WTIP: variants seen among roughly 807,000 people sequenced by gnomAD.
The protein encoded by WTIP is Wilms tumor protein 1-interacting protein.
Under a neutral mutation model 41.7 loss-of-function variants are expected in WTIP, and 23 were observed. The observed-to-expected ratio is 0.55, with a 90% CI of 0.40 to 0.78. The LOEUF (loss-of-function observed/expected upper bound fraction) is 0.78. Among genes scored for constraint, WTIP ranks in the 30% least tolerant of loss-of-function variants. The pLI is 0.00. For missense variants in WTIP, 619 were observed against 610.5 expected (o/e 1.01, Z -0.15); for synonymous variants, 314 against 269.9 (o/e 1.16, Z -1.60).
At chr19:34,483,504 C>T (rs1003216851) in intron 1 of WTIP, among the ~76,000 whole-genome samples, 2 of 152,114 alleles carry the variant, frequency 1.3e-5, no homozygotes, top group Non-Finnish European at 2.9e-5. Context: ...GTGATGGTAG[C>T]GGCTGGAGAG....
intron 7 of WTIP, among the ~76,000 whole-genome samples, chr19:34,499,259 C>T (rs1197171543): frequency 6.6e-6 from 1 of 151,486 alleles, no homozygotes; most frequent in Admixed American, 6.6e-5. Context: ...GCCTGTAATC[C>T]CAGCATTTTG....
rs575511622 is a variant in WTIP at position 34,511,184 on chromosome 19, T to C, written c.*10915T>C. On this transcript the variant is annotated 3_prime_UTR_variant, in exon 8 of 8. Transcript: ENST00000590071. Reference sequence around the variant, plus strand: ...GAAGAAAAAGAGGTTTAATGGGACTTGTAGCTCCACATGGCTGGGAGGCCT... The same window carrying C: ...GAAGAAAAAGAGGTTTAATGGGACTCGTAGCTCCACATGGCTGGGAGGCCT... 6.6e-6 allele frequency: 1 copy of C among 152,492 alleles called. No homozygotes were observed. Among genetic ancestry groups the C allele is most frequent in the East Asian group, 1.9e-4 (1 of 5,196 alleles). 9.4% of individuals were successfully genotyped at this position (152,492 alleles called of 1,614,324 possible). A position where few individuals can be genotyped will look rare whatever the true frequency, so the allele number is the denominator to read the frequency against.
intron 1 of WTIP, among the ~76,000 whole-genome samples, chr19:34,484,429 C>T (rs2075787180): frequency 6.6e-6 from 1 of 152,024 alleles, no homozygotes; most frequent in South Asian, 2.1e-4. Flanking sequence ...ATGGAGAGCG[C>T]CTCCCATCTG....
chr19:34,499,946 C>T (rs1477700068), intron 7 of WTIP, among the ~76,000 whole-genome samples, 183 bp from the exon 8 acceptor site: 1 of 152,166 alleles, frequency 6.6e-6, no homozygotes, highest in African/African-American at 2.4e-5. Context: ...GATGATCCAG[C>T]CGCCTCAGCC....
chr19:34,490,229 G>A (rs1449655147), intron 1 of WTIP, 147 bp from the exon 2 acceptor site: 2 of 675,902 alleles, frequency 3.0e-6, no homozygotes, highest in Admixed American at 2.4e-5. Flanking sequence ...TGGTGCCCAT[G>A]TTGGTCATCA....
Position 34,512,277 on chromosome 19 carries a change from T to C in WTIP, c.*12008T>C, listed in dbSNP as rs557374475. ...CCCACGTATTGTACTTTGATAAAGT[T>C]AATAAATGGAATTCTCCTTTACCTC... On this transcript the variant is annotated 3_prime_UTR_variant, in exon 8 of 8. Coordinates refer to ENST00000590071, the MANE Select transcript of WTIP (RefSeq NM_001080436.2). The C allele has an allele frequency of 9.6e-4, 147 of 152,332 alleles. 1 individual carries two copies. Among genetic ancestry groups the C allele is most frequent in the African/African-American group, 3.5e-3 (145 of 41,580 alleles). The allele number at this position is 152,332 out of a possible 1,614,324, so 9.4% of individuals were successfully genotyped here. A position where few individuals can be genotyped will look rare whatever the true frequency, so the allele number is the denominator to read the frequency against.
chr19:34,488,059 C>G, intron 1 of WTIP, among the ~76,000 whole-genome samples: 1 of 152,092 alleles, frequency 6.6e-6, no homozygotes, highest in East Asian at 1.9e-4. Flanking sequence ...CAGCGACCCT[C>G]ATGTCTGTCT....
At chr19:34,499,729 C>T (rs2075874284) in intron 7 of WTIP, among the ~76,000 whole-genome samples, 2 of 146,572 alleles carry the variant, frequency 1.4e-5, no homozygotes, top group Admixed American at 6.9e-5. Flanking sequence ...GATGGAGTTT[C>T]GCTGTTGTCA....
intron 6 of WTIP, among the ~76,000 whole-genome samples, chr19:34,495,098 C>T (rs1186619270): frequency 6.6e-6 from 1 of 152,128 alleles, no homozygotes; most frequent in Non-Finnish European, 1.5e-5. Flanking sequence ...TTTGAGACTC[C>T]AAGGAAGTGA....
chr19:34,494,686 G>A (rs750488238), intron 6 of WTIP, 49 bp downstream of exon 6: 99 of 1,594,300 alleles, frequency 6.2e-5, no homozygotes, highest in Non-Finnish European at 8.2e-5. Context: ...CCAGCCGGCT[G>A]CTGTCCTGTC....
rs2075927064 is a variant in WTIP at position 34,509,942 on chromosome 19, T to C, written c.*9673T>C. 2 of 152,178 alleles carry C rather than the reference T, an allele frequency of 1.3e-5. No homozygotes were observed. Among genetic ancestry groups the C allele is most frequent in the Non-Finnish European group, 2.9e-5 (2 of 68,034 alleles). 9.4% of individuals were successfully genotyped at this position (152,178 alleles called of 1,614,324 possible). On this transcript the variant is annotated 3_prime_UTR_variant, in exon 8 of 8. Coordinates refer to ENST00000590071, the MANE Select transcript of WTIP (RefSeq NM_001080436.2). ...CAGTGATGCAAGAGGTGTGTTCCCA[T>C]AGTCGTAGGCAGCTCCACCCCTGTG...
Position 34,482,178 on chromosome 19 carries a change from C to G in WTIP, c.204C>G (p.Arg68=). ...GPEAGADGLS[R]GERGPRRAAV... ...AGGCCGGGGCGGACGGACTGAGCCGCGGGGAGCGGGGTCCCCGGCGCGCGG... is the reference window on the plus strand; with the variant it reads ...AGGCCGGGGCGGACGGACTGAGCCGGGGGGAGCGGGGTCCCCGGCGCGCGG... Residue 68 remains arginine (R), a synonymous_variant, in exon 1 of 8, where the codon CGC becomes CGG. Coordinates refer to ENST00000590071, the MANE Select transcript of WTIP (RefSeq NM_001080436.2). The G allele has an allele frequency of 1.6e-5, 18 of 1,094,040 alleles. No individual in the cohort carries two copies. The highest frequency in any genetic ancestry group is 2.0e-5 in the Non-Finnish European group (18 of 902,432). 67.8% of individuals were successfully genotyped at this position (1,094,040 alleles called of 1,614,324 possible).
Position 34,490,409 on chromosome 19 carries a change from G to T in WTIP, c.701G>T (p.Gly234Val). The change falls in exon 2 of 8, where the codon GGA (glycine) becomes GTA (valine). Residue 234 changes from glycine to valine, a missense_variant. This residue lies in a region of WTIP where 164 missense variants were observed against 219.1 expected (regional missense o/e 0.75). Coordinates refer to ENST00000590071, the MANE Select transcript of WTIP (RefSeq NM_001080436.2). ...ICIKCGLGIY[G>V]AQQACQAMGS... ...ATCAAGTGTGGGCTTGGCATCTACGGAGCCCAGCAGGCGTGCCAGGCAATG... is the reference window on the plus strand; with the variant it reads ...ATCAAGTGTGGGCTTGGCATCTACGTAGCCCAGCAGGCGTGCCAGGCAATG... 6.2e-7 allele frequency: 1 copy of T among 1,613,998 alleles called. No homozygotes were observed. The highest frequency in any genetic ancestry group is 8.5e-7 in the Non-Finnish European group (1 of 1,179,884).
At chr19:34,488,461 G>T (rs2075808778) in intron 1 of WTIP, among the ~76,000 whole-genome samples, 1 of 152,030 alleles carries the variant, frequency 6.6e-6, no homozygotes, top group African/African-American at 2.4e-5. Context: ...AAACTCCCAG[G>T]CTTAAGTGAT....
chr19:34,493,366 G>A lies in WTIP; in HGVS notation c.900+41G>A. 6.2e-7 allele frequency: 1 copy of A among 1,601,344 alleles called. No homozygotes were observed. Among genetic ancestry groups the A allele is most frequent in the South Asian group, 1.1e-5 (1 of 89,460 alleles). On this transcript the variant is annotated intron_variant, in intron 4 of 7. Transcript: ENST00000590071. The surrounding 1 kb of genome is among the most constrained non-coding windows in gnomAD (Gnocchi z 4.1). Reference sequence around the variant, plus strand: ...AGCCTCCTGGAGCCCCTCTGACGTGGGTGGAGTCTGAGGACTCTACCGTCT... The same window carrying A: ...AGCCTCCTGGAGCCCCTCTGACGTGAGTGGAGTCTGAGGACTCTACCGTCT...
At chr19:34,490,630 A>G (rs933531865) in intron 2 of WTIP, among the ~76,000 whole-genome samples, 153 bp downstream of exon 2, 3 of 152,072 alleles carry the variant, frequency 2.0e-5, no homozygotes, top group African/African-American at 7.2e-5. Flanking sequence ...GGGAGGAGGC[A>G]TGGGGCCCCT....
In WTIP at chr19:34,493,359, T is replaced by C; in HGVS notation, c.900+34T>C. Reference sequence around the variant, plus strand: ...CTGCCCCAGCCTCCTGGAGCCCCTCTGACGTGGGTGGAGTCTGAGGACTCT... The same window carrying C: ...CTGCCCCAGCCTCCTGGAGCCCCTCCGACGTGGGTGGAGTCTGAGGACTCT... On this transcript the variant is annotated intron_variant, in intron 4 of 7. Coordinates refer to ENST00000590071, the MANE Select transcript of WTIP (RefSeq NM_001080436.2). The surrounding 1 kb of genome is among the most constrained non-coding windows in gnomAD (Gnocchi z 4.1). 6.2e-7 allele frequency: 1 copy of C among 1,604,526 alleles called. No homozygotes were observed. The highest frequency in any genetic ancestry group is 8.5e-7 in the Non-Finnish European group (1 of 1,175,838).
intron 1 of WTIP, among the ~76,000 whole-genome samples, chr19:34,489,439 A>AGGAG (rs1009734150): frequency 2.0e-4 from 30 of 152,188 alleles, no homozygotes; most frequent in African/African-American, 6.5e-4. Flanking sequence ...GTGGGTACAG[A>AGGAG]GGAGGACAGA....
rs779497047 is a variant in WTIP at position 34,493,295 on chromosome 19, C to T, written c.870C>T (p.Cys290=). 1 of 1,613,488 alleles carries T rather than the reference C, an allele frequency of 6.2e-7. No homozygotes were observed. Among genetic ancestry groups the T allele is most frequent in the East Asian group, 2.2e-5 (1 of 44,864 alleles). ...GGTTCCAGCAGACGGCCGACAAATG[C>T]AGCGTGTGTGGACATCTCATCATGG... ...YSGFQQTADK[C]SVCGHLIMEM... is the part of the protein sequence containing the mutation. The change falls in exon 4 of 8, where the codon TGC becomes TGT. Residue 290 remains cysteine, a synonymous_variant. Transcript: ENST00000590071. This position sits in a 1 kb window ranked among gnomAD's most constrained non-coding sequence, Gnocchi z 4.1.
Sources: gnomAD v4.1 joint callset for allele counts (sites outside exome capture counted in the v4.1 genomes callset) on GRCh38, gnomAD v4.1.1 for gene constraint, gnomAD v4.1.1 regional missense constraint, Gnocchi (gnomAD v3.1) non-coding constraint, MANE v1.5 for transcripts, NCBI Gene and HGNC (gene_info 2026-07-23, HGNC 2026-07-21) for gene names.